SLC12A1: variants seen among roughly 807,000 people sequenced by gnomAD.
SLC12A1 encodes the protein Na-K-2Cl cotransporter.
A neutral mutation model predicts 130.4 loss-of-function variants in SLC12A1; 89 were observed. That is an observed-to-expected ratio of 0.68 (90% confidence interval 0.58 to 0.81). The LOEUF (loss-of-function observed/expected upper bound fraction) is 0.81. Among genes scored for constraint, SLC12A1 ranks in the 40% least tolerant of loss-of-function variants. The pLI is 0.00. For missense variants in SLC12A1, 1,310 were observed against 1,336.4 expected, an observed-to-expected ratio of 0.98 and a Z score of 0.31; for synonymous variants, 499 against 460.0, an observed-to-expected ratio of 1.08 and a Z score of -1.09.
intron 7 of SLC12A1, among the ~76,000 whole-genome samples, 168 bp from the exon 8 acceptor site, chr15:48,232,559 T>C (rs2041393925): frequency 6.6e-6 from 1 of 152,204 alleles, no homozygotes; most frequent in African/African-American, 2.4e-5. Flanking sequence ...ATAAGACCTA[T>C]TTGCATGCCA....
intron 5 of SLC12A1, chr15:48,227,215 T>C: frequency 8.0e-7 from 1 of 1,243,866 alleles, no homozygotes; most frequent in Non-Finnish European, 1.2e-6. Context: ...GCTTGGTTAC[T>C]AGTAATGTCT....
intron 2 of SLC12A1, among the ~76,000 whole-genome samples, chr15:48,217,345 C>T (rs2041136161): frequency 1.3e-5 from 2 of 152,200 alleles, no homozygotes; most frequent in East Asian, 3.9e-4. Context: ...GAATTACATA[C>T]TTGGTTTGCA....
intron 16 of SLC12A1, among the ~76,000 whole-genome samples, chr15:48,256,470 A>G (rs1368212233): frequency 6.6e-6 from 1 of 152,240 alleles, no homozygotes; most frequent in Non-Finnish European, 1.5e-5. Flanking sequence ...TACTGCTATG[A>G]AGAAATACCC....
intron 20 of SLC12A1, among the ~76,000 whole-genome samples, chr15:48,279,746 T>A (rs983670477): frequency 1.3e-5 from 2 of 152,230 alleles, no homozygotes; most frequent in African/African-American, 2.4e-5. Context: ...TGCCATATAT[T>A]GTGGTCAAGT....
chr15:48,290,795 T>G (rs1163476997), intron 23 of SLC12A1, among the ~76,000 whole-genome samples: 1 of 152,042 alleles, frequency 6.6e-6, no homozygotes, highest in African/African-American at 2.4e-5. Context: ...TAATTATACT[T>G]AAAGAGGATC....
intron 17 of SLC12A1, 140 bp downstream of exon 17, chr15:48,259,451 TAGAG>T: frequency 1.5e-6 from 1 of 680,872 alleles, no homozygotes; most frequent in Non-Finnish European, 2.7e-6. Context: ...CCTTGATTCA[TAGAG>T]CAAGGACAAG....
chr15:48,266,133 G>A (rs1048122922), intron 17 of SLC12A1, among the ~76,000 whole-genome samples: 2 of 152,102 alleles, frequency 1.3e-5, no homozygotes, highest in African/African-American at 4.8e-5. Context: ...CTAGGCAATT[G>A]CCTGAGTTTT....
At chr15:48,287,990 T>G in intron 21 of SLC12A1, 53 bp from the exon 22 acceptor site, 1 of 1,574,104 alleles carries the variant, frequency 6.4e-7, no homozygotes, top group Non-Finnish European at 8.6e-7. Context: ...GGAAAGTTAT[T>G]TTGTTTCTGC....
At chr15:48,230,135 C>T (rs948555592) in intron 6 of SLC12A1, among the ~76,000 whole-genome samples, 3 of 152,128 alleles carry the variant, frequency 2.0e-5, no homozygotes, top group Non-Finnish European at 2.9e-5. Context: ...CATATTTTCA[C>T]TTAATACTAC....
intron 2 of SLC12A1, among the ~76,000 whole-genome samples, chr15:48,220,373 GA>G (rs1212616119): frequency 1.3e-5 from 2 of 151,980 alleles, no homozygotes; most frequent in Non-Finnish European, 2.9e-5. Flanking sequence ...TTCACCAGAA[GA>G]AATATTCTCA....
At chr15:48,279,148 G>A (rs2041985487) in intron 20 of SLC12A1, among the ~76,000 whole-genome samples, 1 of 152,150 alleles carries the variant, frequency 6.6e-6, no homozygotes, top group South Asian at 2.1e-4. Context: ...TTAACTTTCC[G>A]CCACATTTCC....
At chr15:48,275,343 T>G (rs1450602683) in intron 20 of SLC12A1, among the ~76,000 whole-genome samples, 1 of 152,222 alleles carries the variant, frequency 6.6e-6, no homozygotes. Context: ...GCTTTTCTGG[T>G]GCCTGTTATG....
At chr15:48,212,224 A>T (rs2041059885) in intron 2 of SLC12A1, among the ~76,000 whole-genome samples, 1 of 152,180 alleles carries the variant, frequency 6.6e-6, no homozygotes, top group Non-Finnish European at 1.5e-5. Context: ...AAAAATATGT[A>T]ATAAAATGTT....
At chr15:48,297,241 A>G (rs927334258) in intron 24 of SLC12A1, among the ~76,000 whole-genome samples, 9 of 152,176 alleles carry the variant, frequency 5.9e-5, no homozygotes, top group Non-Finnish European at 1.3e-4. Context: ...TAGGAGAGAA[A>G]GTTTGTCTCT....
chr15:48,253,488 G>C (rs561471159), intron 15 of SLC12A1, among the ~76,000 whole-genome samples: 1 of 152,304 alleles, frequency 6.6e-6, no homozygotes, highest in Non-Finnish European at 1.5e-5. Context: ...AATGCTTTTA[G>C]ATTTATCCAT....
Position 48,286,658 on chromosome 15 carries a change from T to C in SLC12A1, c.2630-1385T>C, listed in dbSNP as rs562267536. On this transcript the variant is annotated intron_variant, in intron 21 of 26. Transcript: ENST00000380993. ...GCTTATTTCTGCGTCACAATACTTG[T>C]TTTGGCAAAAATATACTCTTCCAAA... Among the ~76,000 whole-genome samples, 8 of 152,338 alleles carry C rather than the reference T, an allele frequency of 5.3e-5. No homozygotes were observed. In the East Asian group the frequency reaches 1.5e-3, roughly 29 times the overall value.
intron 8 of SLC12A1, 111 bp from the exon 9 acceptor site, chr15:48,234,764 AAT>A: frequency 9.4e-7 from 1 of 1,059,876 alleles, no homozygotes. Context: ...AAAAAAAAAA[AAT>A]TAGAATATAG....
intron 7 of SLC12A1, among the ~76,000 whole-genome samples, 195 bp from the exon 8 acceptor site, chr15:48,232,532 A>G (rs185491875): frequency 6.6e-6 from 1 of 152,372 alleles, no homozygotes; most frequent in East Asian, 1.9e-4. Context: ...AAAATGTGGC[A>G]TATACATCCA....
At chr15:48,239,771 C>T (rs1454978041) in intron 9 of SLC12A1, among the ~76,000 whole-genome samples, 2 of 151,280 alleles carry the variant, frequency 1.3e-5, no homozygotes, top group Admixed American at 6.6e-5. Context: ...GTGCCTCAGT[C>T]TCCCGAGCAG....
Sources: gnomAD v4.1 joint callset for allele counts (sites outside exome capture counted in the v4.1 genomes callset) on GRCh38, gnomAD v4.1.1 for gene constraint, MANE v1.5 for transcripts, NCBI Gene and HGNC (gene_info 2026-07-23, HGNC 2026-07-21) for gene names.